The following CLECL1 variants were observed in gnomAD, a reference collection of about 807,000 sequenced individuals.
The protein encoded by CLECL1 is C-type lectin-like domain family 1.
chr12:9,711,850 G>A (rs1866203227), downstream of CLECL1, among the ~76,000 whole-genome samples: 1 of 152,118 alleles, frequency 6.6e-6, no homozygotes, highest in African/African-American at 2.4e-5. Flanking sequence ...CCAGCCTAAA[G>A]TATCTAACTG....
downstream of CLECL1, among the ~76,000 whole-genome samples, chr12:9,714,848 A>C (rs888191773): frequency 4.6e-5 from 7 of 152,168 alleles, no homozygotes; most frequent in African/African-American, 1.4e-4. Context: ...TGCAAAAACA[A>C]ATTTCCGGTT....
chr12:9,732,332 T>C (rs1179567060), intron 1 of CLECL1, among the ~76,000 whole-genome samples: 2 of 152,150 alleles, frequency 1.3e-5, no homozygotes, highest in Non-Finnish European at 2.9e-5. Context: ...CTTCAAAGAA[T>C]AGAAAAGACA....
downstream of CLECL1, among the ~76,000 whole-genome samples, chr12:9,718,161 T>C (rs1020935839): frequency 5.9e-5 from 9 of 152,168 alleles, 1 homozygote; most frequent in South Asian, 1.7e-3. Flanking sequence ...TTATTATGAT[T>C]TGAGATATAC....
At chr12:9,719,028 T>C (rs1208759865), downstream of CLECL1, among the ~76,000 whole-genome samples, 1 of 152,244 alleles carries the variant, frequency 6.6e-6, no homozygotes, top group Non-Finnish European at 1.5e-5. Flanking sequence ...TGTTGAAAGT[T>C]GTACATCTTC....
At chr12:9,704,714 A>T in the CLECL1 span, among the ~76,000 whole-genome samples, 1 of 152,164 alleles carries the variant, frequency 6.6e-6, no homozygotes, top group South Asian at 2.1e-4. Flanking sequence ...ATCTAGTTCC[A>T]TATATGTCTC....
the CLECL1 span, among the ~76,000 whole-genome samples, chr12:9,703,495 G>A: frequency 6.6e-6 from 1 of 151,850 alleles, no homozygotes; most frequent in Admixed American, 6.6e-5. Flanking sequence ...CCCAAACTCT[G>A]GCGATCCTCT....
chr12:9,733,340 G>T, upstream of CLECL1: 1 of 987,054 alleles, frequency 1.0e-6, no homozygotes, highest in Non-Finnish European at 1.5e-6. Context: ...TACCACAGAA[G>T]ATATCTCACC....
At chr12:9,730,210 TCAGGTCTCTTGACTAC>T (rs1164399827) in intron 1 of CLECL1, among the ~76,000 whole-genome samples, 20 of 152,304 alleles carry the variant, frequency 1.3e-4, no homozygotes, top group African/African-American at 4.8e-4. Context: ...ATATCTAACC[TCAGGTCTCTTGACTAC>T]CAGACTAGTG....
downstream of CLECL1, among the ~76,000 whole-genome samples, chr12:9,719,012 C>A (rs974796290): frequency 1.3e-5 from 2 of 152,150 alleles, no homozygotes; most frequent in Non-Finnish European, 2.9e-5. Flanking sequence ...ATACCTCTTA[C>A]ATGTTTGTTG....
chr12:9,707,200 T>C, the CLECL1 span, among the ~76,000 whole-genome samples: 1 of 152,170 alleles, frequency 6.6e-6, no homozygotes, highest in African/African-American at 2.4e-5. Flanking sequence ...ACCAGAAATT[T>C]TAGTTTTAAT....
chr12:9,703,025 T>C, the CLECL1 span, among the ~76,000 whole-genome samples: 1 of 152,230 alleles, frequency 6.6e-6, no homozygotes, highest in African/African-American at 2.4e-5. Flanking sequence ...TTATCTCTAC[T>C]TATAATAAAC....
chr12:9,729,091 A>G (rs1274265388), intron 2 of CLECL1, among the ~76,000 whole-genome samples: 4 of 152,048 alleles, frequency 2.6e-5, no homozygotes, highest in Admixed American at 6.5e-5. Flanking sequence ...TGGCCATATG[A>G]AAAATTGGAC....
At chr12:9,726,653 T>C (rs1169688186) in intron 3 of CLECL1, among the ~76,000 whole-genome samples, 1 of 151,976 alleles carries the variant, frequency 6.6e-6, no homozygotes, top group Non-Finnish European at 1.5e-5. Flanking sequence ...TTAGATTTGG[T>C]GTACTTTCCT....
At chr12:9,732,787 T>C (rs1866462650) in intron 1 of CLECL1, among the ~76,000 whole-genome samples, 162 bp downstream of exon 1, 1 of 152,222 alleles carries the variant, frequency 6.6e-6, no homozygotes. Flanking sequence ...TGAACAGACA[T>C]TTTGCTTCAT....
chr12:9,710,312 C>G, the CLECL1 span, among the ~76,000 whole-genome samples: 1 of 152,092 alleles, frequency 6.6e-6, no homozygotes, highest in Non-Finnish European at 1.5e-5. Context: ...CTAGGAACCC[C>G]CAGGTAGACC....
chr12:9,703,546 C>T, the CLECL1 span, among the ~76,000 whole-genome samples: 1 of 152,156 alleles, frequency 6.6e-6, no homozygotes, highest in African/African-American at 2.4e-5. Context: ...AGGCATGTGC[C>T]ATTATACCTG....
chr12:9,710,512 T>C, the CLECL1 span, among the ~76,000 whole-genome samples: 2 of 152,196 alleles, frequency 1.3e-5, no homozygotes. Context: ...TAGTCCTGGC[T>C]AGGGCTCCAC....
downstream of CLECL1, among the ~76,000 whole-genome samples, chr12:9,719,393 G>T (rs1866281121): frequency 6.6e-6 from 1 of 152,226 alleles, no homozygotes; most frequent in Admixed American, 6.5e-5. Context: ...GGGCGTGGTG[G>T]CGGGCGCCTG....
At chr12:9,709,585 G>A in the CLECL1 span, among the ~76,000 whole-genome samples, 2 of 152,184 alleles carry the variant, frequency 1.3e-5, no homozygotes, top group Admixed American at 6.5e-5. Flanking sequence ...ATCAGACCCT[G>A]ATGGACACTG....
Sources: allele counts gnomAD v4.1 joint callset (sites outside exome capture counted in the v4.1 genomes callset), GRCh38; gene constraint gnomAD v4.1.1; transcripts MANE v1.5; gene names NCBI Gene and HGNC (gene_info 2026-07-23, HGNC 2026-07-21).